The following CDH12 variants were observed in gnomAD, a reference collection of about 807,000 sequenced individuals.
CDH12 encodes the protein cadherin-12.
Under a neutral mutation model 74.1 loss-of-function variants are expected in CDH12, and 41 were observed. The observed-to-expected ratio is 0.55, with a 90% confidence interval of 0.43 to 0.72. CDH12 has a LOEUF of 0.72. CDH12 is among the 30% of genes least tolerant of loss of function. The probability of loss-of-function intolerance (pLI) is 0.00; values close to 1 mark genes in which losing one functional copy is unlikely to be tolerated. For missense variants in CDH12, 945 were observed against 977.2 expected, an observed-to-expected ratio of 0.97 and a Z score of 0.44; for synonymous variants, 399 against 355.0, an observed-to-expected ratio of 1.12 and a Z score of -1.39.
At chr5:22,809,016 G>GAGAT (rs1426157557) in intron 1 of CDH12, among the ~76,000 whole-genome samples, 2 of 151,450 alleles carry the variant, frequency 1.3e-5, no homozygotes, top group Non-Finnish European at 2.9e-5. Flanking sequence ...GCTGTATTTT[G>GAGAT]AGATAGTTTA....
intron 7 of CDH12, among the ~76,000 whole-genome samples, chr5:21,850,685 A>G (rs1294454359): frequency 6.6e-6 from 1 of 151,540 alleles, no homozygotes; most frequent in Admixed American, 6.6e-5. Context: ...ACTCAAGAGC[A>G]AAAGTCTTGG....
chr5:22,239,182 A>ATGCTTAC (rs1204888025), intron 3 of CDH12, among the ~76,000 whole-genome samples: 1 of 152,174 alleles, frequency 6.6e-6, no homozygotes, highest in Non-Finnish European at 1.5e-5. Flanking sequence ...AAGGAAAGGA[A>ATGCTTAC]TGCTTACTTC....
chr5:22,828,594 T>C (rs1248146495), intron 1 of CDH12, among the ~76,000 whole-genome samples: 2 of 152,168 alleles, frequency 1.3e-5, no homozygotes, highest in African/African-American at 4.8e-5. Context: ...GACCTAAGAA[T>C]AAAGTCCGCT....
At chr5:22,335,613 CA>C (rs1257396929) in intron 3 of CDH12, among the ~76,000 whole-genome samples, 2 of 151,310 alleles carry the variant, frequency 1.3e-5, no homozygotes, top group Non-Finnish European at 3.0e-5. Flanking sequence ...AAAACAAAAA[CA>C]AGGGGGAGTT....
chr5:22,275,094 A>T (rs191260671), intron 3 of CDH12, among the ~76,000 whole-genome samples: 161 of 152,232 alleles, frequency 1.1e-3, no homozygotes, highest in Non-Finnish European at 2.0e-3. Flanking sequence ...AAAAGGACAC[A>T]GAGAGGGGAA....
rs1346172139 is a variant in CDH12 at position 22,306,935 on chromosome 5, T to G, written c.-332-94292A>C. ...TTCCTTAATGTAAAGTTTCTGTGAG[T>G]GTTTTATTAAGCTGCTATTTTTATC... On this transcript the variant is annotated intron_variant, in intron 3 of 14. Coordinates refer to ENST00000382254, the MANE Select transcript of CDH12 (RefSeq NM_004061.5). Among the ~76,000 whole-genome samples the G allele has an allele frequency of 3.9e-5, 6 of 152,174 alleles. No individual in the cohort carries two copies. The East Asian group carries it at 1.2e-3, about 29-fold the overall frequency.
chr5:21,950,832 C>T (rs893944594), intron 6 of CDH12, among the ~76,000 whole-genome samples: 2 of 149,984 alleles, frequency 1.3e-5, no homozygotes, highest in Non-Finnish European at 3.0e-5. Flanking sequence ...GTCACCCAGG[C>T]TGGAGTGCAG....
In CDH12 at chr5:22,653,645, G is replaced by A. The variant is rs540628516; in HGVS notation, c.-522-148281C>T. ...TACAGCAATAGTCTCCTAACATAGC[G>A]GCCCACTGGTAATGCAGCCTGAGCC... On this transcript the variant is annotated intron_variant, in intron 1 of 14. Coordinates refer to ENST00000382254, the MANE Select transcript of CDH12 (RefSeq NM_004061.5). 7.9e-5 allele frequency among the ~76,000 whole-genome samples: 12 copies of A among 152,088 alleles called. No homozygotes were observed. In the South Asian group the frequency reaches 2.5e-3, roughly 32 times the overall value.
chr5:21,794,023 A>C (rs1746643733), intron 10 of CDH12, among the ~76,000 whole-genome samples: 3 of 151,406 alleles, frequency 2.0e-5, no homozygotes, highest in Non-Finnish European at 4.4e-5. Context: ...TAGAAGATAT[A>C]TTCTAGTGTA....
At chr5:22,117,711 T>TA (rs1745257443) in intron 4 of CDH12, among the ~76,000 whole-genome samples, 1 of 149,972 alleles carries the variant, frequency 6.7e-6, no homozygotes, top group Non-Finnish European at 1.5e-5. Flanking sequence ...ACAGCAAAGA[T>TA]ATGTGAGACA....
intron 1 of CDH12, among the ~76,000 whole-genome samples, chr5:22,769,142 T>C (rs1182172634): frequency 6.6e-6 from 1 of 152,118 alleles, no homozygotes; most frequent in African/African-American, 2.4e-5. Flanking sequence ...CCTAGATTGC[T>C]GCTAAAAGAT....
intron 1 of CDH12, chr5:22,580,702 G>T: frequency 8.2e-6 from 3 of 366,160 alleles, no homozygotes; most frequent in South Asian, 2.6e-5. Flanking sequence ...AACATTCCCT[G>T]TGTTTGTCAG....
chr5:22,058,787 G>A (rs1740948623), intron 5 of CDH12, among the ~76,000 whole-genome samples: 3 of 150,434 alleles, frequency 2.0e-5, no homozygotes, highest in Admixed American at 1.3e-4. Flanking sequence ...AGGGAGGGAG[G>A]AAAAGGGAGG....
chr5:22,563,871 G>A (rs1739175789), intron 1 of CDH12, among the ~76,000 whole-genome samples: 1 of 152,060 alleles, frequency 6.6e-6, no homozygotes, highest in Admixed American at 6.6e-5. Context: ...AAAATCATCA[G>A]ATCTTGTGAG....
intron 1 of CDH12, among the ~76,000 whole-genome samples, chr5:22,551,957 C>T (rs1738594248): frequency 6.6e-6 from 1 of 150,796 alleles, no homozygotes; most frequent in South Asian, 2.1e-4. Flanking sequence ...ATTCTTACTA[C>T]TAAACATTTT....
intron 6 of CDH12, among the ~76,000 whole-genome samples, chr5:21,972,128 C>T (rs745839561): frequency 6.6e-6 from 1 of 152,152 alleles, no homozygotes; most frequent in Non-Finnish European, 1.5e-5. Context: ...TTTATTTGTT[C>T]ATATTTCTGG....
intron 1 of CDH12, among the ~76,000 whole-genome samples, chr5:22,797,737 T>G (rs939471050): frequency 6.6e-6 from 1 of 151,842 alleles, no homozygotes; most frequent in Non-Finnish European, 1.5e-5. Flanking sequence ...TCATTTAAAT[T>G]GTAAATCTCA....
At chr5:22,515,733 A>G (rs1183915563) in intron 1 of CDH12, among the ~76,000 whole-genome samples, 1 of 151,994 alleles carries the variant, frequency 6.6e-6, no homozygotes. Flanking sequence ...TCCCTACCTC[A>G]CTCTACATAC....
chr5:22,150,263 T>C (rs1003709932), intron 4 of CDH12, among the ~76,000 whole-genome samples: 4 of 152,074 alleles, frequency 2.6e-5, no homozygotes, highest in Non-Finnish European at 4.4e-5. Flanking sequence ...TTATCATTAA[T>C]TATTCACAAA....
Sources: gnomAD v4.1 joint callset for allele counts (sites outside exome capture counted in the v4.1 genomes callset) on GRCh38, gnomAD v4.1.1 for gene constraint, MANE v1.5 for transcripts, NCBI Gene and HGNC (gene_info 2026-07-23, HGNC 2026-07-21) for gene names.